STK32B: variants seen among roughly 807,000 people sequenced by gnomAD.
STK32B encodes the protein serine/threonine-protein kinase 32B.
A neutral mutation model predicts 52.6 loss-of-function variants in STK32B; 43 were observed. The observed-to-expected ratio is 0.82, with a 90% CI of 0.64 to 1.05. STK32B has a LOEUF of 1.05. STK32B is among the 50% of genes least tolerant of loss of function. The probability of loss-of-function intolerance (pLI) is 0.00; values close to 1 mark genes in which losing one functional copy is unlikely to be tolerated. For missense variants in STK32B, 621 were observed against 534.6 expected, an observed-to-expected ratio of 1.16 and a Z score of -1.59; for synonymous variants, 238 against 204.3, an observed-to-expected ratio of 1.17 and a Z score of -1.41.
chr4:5,374,061 T>C (rs1471118289), intron 4 of STK32B, among the ~76,000 whole-genome samples: 1 of 152,064 alleles, frequency 6.6e-6, no homozygotes, highest in Non-Finnish European at 1.5e-5. Flanking sequence ...GAAGAGGAAA[T>C]GCAGAGGGGA....
Position 5,378,589 on chromosome 4 carries a change from G to A in STK32B, c.435-19618G>A, listed in dbSNP as rs1336224939. On this transcript the variant is annotated intron_variant, in intron 4 of 11. Coordinates refer to ENST00000282908, the MANE Select transcript of STK32B (RefSeq NM_018401.3). This position sits in a 1 kb window ranked among gnomAD's most constrained non-coding sequence, Gnocchi z 4.4. ...TGTTATGCCCTTTGTCTTCTCCACT[G>A]GTTTGGAAGCCCTTTTTTTCTAATT... Among the ~76,000 whole-genome samples the A allele has an allele frequency of 2.6e-5, 4 of 151,338 alleles. No individual in the cohort carries two copies. The highest frequency in any genetic ancestry group is 9.8e-5 in the African/African-American group (4 of 40,946).
At chr4:5,440,634 A>T (rs1462339294) in intron 6 of STK32B, among the ~76,000 whole-genome samples, 1 of 152,194 alleles carries the variant, frequency 6.6e-6, no homozygotes, top group Admixed American at 6.5e-5. Flanking sequence ...AGAACCTCCA[A>T]CACTATGTTG....
rs1321347860 is a variant in STK32B, at chr4:5,446,716, C to T, written c.606C>T (p.Tyr202=). ...FQVYMDRGPG[Y]SYPVDWWSLG... is the part of the protein sequence containing the mutation. ...TGTACATGGACAGAGGCCCCGGATA[C>T]TCGTACCCTGTCGACTGGTGGTCCC... Residue 202 remains tyrosine (Y), a synonymous_variant, in exon 7 of 12, where the codon TAC becomes TAT. Coordinates refer to ENST00000282908, the MANE Select transcript of STK32B (RefSeq NM_018401.3). 6.2e-7 allele frequency: 1 copy of T among 1,614,106 alleles called. No individual in the cohort carries two copies. The highest frequency in any genetic ancestry group is 1.7e-5 in the Admixed American group (1 of 60,018).
intron 1 of STK32B, among the ~76,000 whole-genome samples, chr4:5,137,566 A>T (rs974518234): frequency 1.3e-5 from 2 of 152,158 alleles, no homozygotes; most frequent in African/African-American, 4.8e-5. Context: ...GCCAGGCATG[A>T]TTCTGAGCTC....
intron 9 of STK32B, 100 bp from the exon 10 acceptor site, chr4:5,466,603 C>T: frequency 7.0e-7 from 1 of 1,430,114 alleles, no homozygotes; most frequent in Non-Finnish European, 9.3e-7. Context: ...GTAAGTTCAT[C>T]ATTACTTGTT....
At position 5,438,125 on chromosome 4, in the gene STK32B, G is replaced by T. The variant is rs138002822; in HGVS notation, c.563-8548G>T. 3 of 985,336 alleles carry T rather than the reference G, an allele frequency of 3.0e-6. No homozygotes were observed. The African/African-American group carries it at 5.2e-5, about 17-fold the overall frequency. 61.0% of individuals were successfully genotyped at this position (985,336 alleles called of 1,614,324 possible). On this transcript the variant is annotated intron_variant, in intron 6 of 11. Coordinates refer to ENST00000282908, the MANE Select transcript of STK32B (RefSeq NM_018401.3). ...GCACACACAGCCATTCTGCACTGCT[G>T]GGTGCACCCTGCGCTATTGGAGCTT... is the stretch of plus-strand genomic sequence containing the variant.
rs867512234 is a variant in STK32B at position 5,488,502 on chromosome 4, G to C, written c.1107-10443G>C. Among the ~76,000 whole-genome samples the C allele has an allele frequency of 3.3e-5, 5 of 152,082 alleles. No individual in the cohort carries two copies. In the South Asian group the frequency reaches 1.0e-3, roughly 32 times the overall value. ...AATGTCAAAACTCAGTTGTTAGAAA[G>C]GTTATCATAAATAATTACCTTTTAA... On this transcript the variant is annotated intron_variant, in intron 11 of 11. Transcript: ENST00000282908.
At chr4:5,488,774 C>G (rs1162404135) in intron 11 of STK32B, among the ~76,000 whole-genome samples, 4 of 152,134 alleles carry the variant, frequency 2.6e-5, no homozygotes, top group Non-Finnish European at 5.9e-5. Context: ...CTATAACTTT[C>G]TTCACATCTT....
chr4:5,496,815 A>G (rs1008506268), intron 11 of STK32B, among the ~76,000 whole-genome samples: 4 of 152,174 alleles, frequency 2.6e-5, no homozygotes, highest in Non-Finnish European at 5.9e-5. Context: ...TAAAAAAAAA[A>G]AAAACAGCAT....
At position 5,140,261 on chromosome 4, in the gene STK32B, A is replaced by ATCACAAAG. The variant is rs1355735240; in HGVS notation, c.108+302_108+309dup. ...GAAAGTTGAAAAAAAACCCATAAAC[A>ATCACAAAG]TCACAAAGGCAGCTCTTTCCAGCAA... On this transcript the variant is annotated intron_variant, in intron 2 of 11. Coordinates refer to ENST00000282908, the MANE Select transcript of STK32B (RefSeq NM_018401.3). The ATCACAAAG allele has an allele frequency of 3.6e-6, 5 of 1,405,986 alleles. No individual in the cohort carries two copies. In the South Asian group the frequency reaches 6.1e-5, roughly 17 times the overall value. 87.1% of individuals were successfully genotyped at this position (1,405,986 alleles called of 1,614,324 possible).
intron 3 of STK32B, among the ~76,000 whole-genome samples, chr4:5,243,813 C>G (rs571795562): frequency 1.2e-4 from 19 of 152,084 alleles, no homozygotes; most frequent in Non-Finnish European, 2.8e-4. Context: ...TGTCAAAGGC[C>G]TTTTCTGCAT....
At chr4:5,281,091 A>G (rs1728163188) in intron 3 of STK32B, among the ~76,000 whole-genome samples, 1 of 152,054 alleles carries the variant, frequency 6.6e-6, no homozygotes, top group Admixed American at 6.6e-5. Context: ...CATATGACAG[A>G]GCAGGAGAGA....
intron 4 of STK32B, among the ~76,000 whole-genome samples, chr4:5,339,688 G>C (rs1438444348): frequency 6.6e-6 from 1 of 152,118 alleles, no homozygotes; most frequent in Non-Finnish European, 1.5e-5. Context: ...GGATTGCCAA[G>C]GATATTTATC....
the STK32B span, among the ~76,000 whole-genome samples, chr4:5,032,121 G>GA: frequency 6.6e-6 from 1 of 150,682 alleles, no homozygotes; most frequent in African/African-American, 2.4e-5. Context: ...TAGGTCCTTT[G>GA]AAATTAGAAC....
Position 5,413,367 on chromosome 4 carries a change from CA to C in STK32B, c.473-3477del, listed in dbSNP as rs1428912923. Among the ~76,000 whole-genome samples, 6 of 152,238 alleles carry C rather than the reference CA, an allele frequency of 3.9e-5. No individual in the cohort carries two copies. The East Asian group carries it at 1.2e-3, about 29-fold the overall frequency. ...AAGTTCAGTGGAATCAGGCTTCAGG[CA>C]GGCTTTGATCAGGCTCTGGCACCAT... On this transcript the variant is annotated intron_variant, in intron 5 of 11. Coordinates refer to ENST00000282908, the MANE Select transcript of STK32B (RefSeq NM_018401.3).
intron 5 of STK32B, among the ~76,000 whole-genome samples, chr4:5,405,781 A>T (rs896917289): frequency 3.9e-5 from 6 of 152,096 alleles, no homozygotes; most frequent in African/African-American, 1.4e-4. Context: ...TTAGGATCCA[A>T]TCACCTCCCA....
chr4:5,111,812 G>A (rs1171548569), intron 1 of STK32B, among the ~76,000 whole-genome samples: 1 of 152,098 alleles, frequency 6.6e-6, no homozygotes. Context: ...CTCAGTTTGG[G>A]TTTCCTTACA....
intron 3 of STK32B, among the ~76,000 whole-genome samples, chr4:5,173,905 G>A (rs1265936410): frequency 3.3e-5 from 5 of 152,176 alleles, no homozygotes; most frequent in African/African-American, 1.2e-4. Flanking sequence ...ACAGTGGGAT[G>A]TTAAAGTCTC....
chr4:5,122,332 A>G (rs1715083506), intron 1 of STK32B, among the ~76,000 whole-genome samples: 1 of 149,030 alleles, frequency 6.7e-6, no homozygotes, highest in Admixed American at 6.6e-5. Context: ...TCACCCATTC[A>G]CTCATTCATT....
Sources: gnomAD v4.1 joint callset for allele counts (sites outside exome capture counted in the v4.1 genomes callset) on GRCh38, gnomAD v4.1.1 for gene constraint, Gnocchi (gnomAD v3.1) non-coding constraint, MANE v1.5 for transcripts, NCBI Gene and HGNC (gene_info 2026-07-23, HGNC 2026-07-21) for gene names.